The following ENTPD1 variants were observed in gnomAD, a reference collection of about 807,000 sequenced individuals.
ENTPD1 encodes the protein ectonucleoside triphosphate diphosphohydrolase 1.
In ENTPD1, 33 loss-of-function variants were observed where a neutral mutation model predicts 57.0. That is an observed-to-expected ratio of 0.58 (90% confidence interval 0.44 to 0.77). The LOEUF (loss-of-function observed/expected upper bound fraction) is 0.77, where lower values mean the gene tolerates loss of function less well. ENTPD1 is among the 30% of genes least tolerant of loss of function. The pLI is 0.00. For missense variants in ENTPD1, 501 were observed against 603.4 expected, an observed-to-expected ratio of 0.83 and a Z score of 1.78; for synonymous variants, 202 against 218.8, an observed-to-expected ratio of 0.92 and a Z score of 0.68.
At chr10:95,715,605 T>C (rs1005709430) in intron 1 of ENTPD1, among the ~76,000 whole-genome samples, 3 of 152,196 alleles carry the variant, frequency 2.0e-5, no homozygotes, top group African/African-American at 7.2e-5. Flanking sequence ...ATATGTCTTA[T>C]TTCTTCTTTT....
Position 95,873,833 on chromosome 10 carries a change from C to T in ENTPD1, c.*7450C>T, listed in dbSNP as rs1590238852. The T allele has an allele frequency of 1.2e-5, 5 of 412,874 alleles. No individual in the cohort carries two copies. Among genetic ancestry groups the T allele is most frequent in the East Asian group, 1.6e-4 (1 of 6,328 alleles). 25.6% of individuals were successfully genotyped at this position (412,874 alleles called of 1,614,324 possible). On this transcript the variant is annotated 3_prime_UTR_variant, in exon 10 of 10. Transcript: ENST00000371205. ...GGTGGGAGGCAAAAGGTACTTCTTA[C>T]GTGGTGGCATCAAGAGCAAAATGAG...
chr10:95,695,615 G>A, the ENTPD1 span, among the ~76,000 whole-genome samples: 1 of 152,082 alleles, frequency 6.6e-6, no homozygotes, highest in Non-Finnish European at 1.5e-5. Context: ...GACAGCTATG[G>A]GAGATATGTG....
At chr10:95,750,408 T>A (rs779308869) in intron 1 of ENTPD1, among the ~76,000 whole-genome samples, 3 of 152,128 alleles carry the variant, frequency 2.0e-5, no homozygotes, top group Non-Finnish European at 2.9e-5. Flanking sequence ...TCTGGTTGTT[T>A]AAGAGTCTGG....
At chr10:95,765,778 T>C (rs1424926703) in intron 1 of ENTPD1, among the ~76,000 whole-genome samples, 5 of 152,204 alleles carry the variant, frequency 3.3e-5, no homozygotes, top group South Asian at 4.1e-4. Flanking sequence ...TTAGAGAATA[T>C]TGCCATCTTA....
At chr10:95,786,717 G>A (rs971786158) in intron 1 of ENTPD1, among the ~76,000 whole-genome samples, 5 of 152,060 alleles carry the variant, frequency 3.3e-5, no homozygotes, top group Admixed American at 6.5e-5. Flanking sequence ...TTCTGCCATG[G>A]GAAAAAGATG....
At chr10:95,735,756 C>T (rs1021216934) in intron 1 of ENTPD1, among the ~76,000 whole-genome samples, 28 of 150,696 alleles carry the variant, frequency 1.9e-4, no homozygotes, top group Admixed American at 3.3e-4. Context: ...CCACCATGCT[C>T]GGCTAATTTT....
rs2140270935 is a variant in ENTPD1 at position 95,791,857 on chromosome 10, T to C, written c.17-31380T>C. ...TGGAGTGTGTGAACTCTAAGGATCC[T>C]TTCAACTTTGAGATTTTTTTTTGGT... On this transcript the variant is annotated intron_variant, in intron 1 of 9. Transcript: ENST00000371205. The surrounding 1 kb of genome is among the most constrained non-coding windows in gnomAD (Gnocchi z 4.1). Among the ~76,000 whole-genome samples, 1 of 152,290 alleles carries C rather than the reference T, an allele frequency of 6.6e-6. No homozygotes were observed. Among genetic ancestry groups the C allele is most frequent in the South Asian group, 2.1e-4 (1 of 4,828 alleles).
intron 1 of ENTPD1, 160 bp downstream of exon 1, chr10:95,756,415 T>C: frequency 1.2e-6 from 1 of 854,782 alleles, no homozygotes; most frequent in South Asian, 1.7e-5. Context: ...AGAAAGAGCT[T>C]TGGGAAACTT....
chr10:95,832,440 C>T (rs2098399281), intron 2 of ENTPD1, among the ~76,000 whole-genome samples: 1 of 152,176 alleles, frequency 6.6e-6, no homozygotes, highest in Non-Finnish European at 1.5e-5. Context: ...GTACCCAAGA[C>T]TCCCCCTGGG....
intron 1 of ENTPD1, among the ~76,000 whole-genome samples, chr10:95,713,108 C>T (rs7101227): frequency 0.037 from 5,663 of 151,202 alleles, 130 homozygotes; most frequent in Non-Finnish European, 0.05. Flanking sequence ...AGTGAATTTT[C>T]GGGGATCATG....
chr10:95,814,752 A>G (rs896553354), intron 1 of ENTPD1, among the ~76,000 whole-genome samples: 4 of 152,202 alleles, frequency 2.6e-5, no homozygotes, highest in Admixed American at 6.5e-5. Flanking sequence ...TAGCATTAAA[A>G]AGAGCCAGTA....
At chr10:95,837,177 TG>T (rs1009676181) in intron 2 of ENTPD1, among the ~76,000 whole-genome samples, 1 of 152,220 alleles carries the variant, frequency 6.6e-6, no homozygotes, top group Admixed American at 6.5e-5. Flanking sequence ...TTTGGCTCTA[TG>T]GGAAGAATGA....
chr10:95,739,262 G>A (rs2097997780), intron 1 of ENTPD1, among the ~76,000 whole-genome samples: 1 of 152,144 alleles, frequency 6.6e-6, no homozygotes, highest in South Asian at 2.1e-4. Context: ...CAACAGTGAA[G>A]TTTGCCACAT....
intron 1 of ENTPD1, among the ~76,000 whole-genome samples, chr10:95,819,213 G>C (rs919084312): frequency 6.6e-6 from 1 of 152,170 alleles, no homozygotes; most frequent in Non-Finnish European, 1.5e-5. Context: ...GCCCAGGCTA[G>C]AGTGCAGTGG....
chr10:95,740,786 C>T (rs547996762), intron 1 of ENTPD1, among the ~76,000 whole-genome samples: 6 of 152,330 alleles, frequency 3.9e-5, no homozygotes, highest in South Asian at 2.1e-4. Context: ...TTTTACATTA[C>T]GGAGGTGGCT....
chr10:95,835,103 C>A lies in ENTPD1; in HGVS notation c.145-4588C>A, dbSNP rs140367565. On this transcript the variant is annotated intron_variant, in intron 2 of 9. Transcript: ENST00000371205. ...ACCTTTGACCTCCTCCCCACCTCCC[C>A]TCTTTTGGAATCCCTAGTGTTTATT... is the stretch of plus-strand genomic sequence containing the variant. Among the ~76,000 whole-genome samples, 105 of 152,262 alleles carry A rather than the reference C, an allele frequency of 6.9e-4. 1 individual carries two copies. In the East Asian group the frequency reaches 0.019, roughly 27 times the overall value.
Position 95,791,148 on chromosome 10 carries a change from G to A in ENTPD1, c.17-32089G>A, listed in dbSNP as rs2098202088. Among the ~76,000 whole-genome samples the A allele has an allele frequency of 6.6e-6, 1 of 152,180 alleles. No individual in the cohort carries two copies. Among genetic ancestry groups the A allele is most frequent in the Non-Finnish European group, 1.5e-5 (1 of 68,040 alleles). On this transcript the variant is annotated intron_variant, in intron 1 of 9. Transcript: ENST00000371205. This position sits in a 1 kb window ranked among gnomAD's most constrained non-coding sequence, Gnocchi z 4.1. ...ATCTGTAGGTTTTACTAGACCCGTA[G>A]CCCTCAGTATGAGTATCTAAAATGA...
At position 95,868,830 on chromosome 10, in the gene ENTPD1, C is replaced by T; in HGVS notation, c.*2447C>T. ...TCTTATTCCATTCCTGTTTGGTTGC[C>T]TACGTCCAATCTCCCCCTCCCCAGA... On this transcript the variant is annotated 3_prime_UTR_variant, in exon 10 of 10. Transcript: ENST00000371205. 3 of 985,240 alleles carry T rather than the reference C, an allele frequency of 3.0e-6. No homozygotes were observed. Among genetic ancestry groups the T allele is most frequent in the Non-Finnish European group, 3.6e-6 (3 of 829,904 alleles). The allele number at this position is 985,240 out of a possible 1,614,324, so 61.0% of individuals were successfully genotyped here.
At chr10:95,850,615 C>A (rs2098443366) in intron 7 of ENTPD1, among the ~76,000 whole-genome samples, 1 of 152,156 alleles carries the variant, frequency 6.6e-6, no homozygotes, top group Non-Finnish European at 1.5e-5. Context: ...TCACAAAAAT[C>A]TGGAAATTTT....
Sources: allele counts gnomAD v4.1 joint callset (sites outside exome capture counted in the v4.1 genomes callset), GRCh38; gene constraint gnomAD v4.1.1; non-coding constraint Gnocchi (gnomAD v3.1); transcripts MANE v1.5; gene names NCBI Gene and HGNC (gene_info 2026-07-23, HGNC 2026-07-21).